Variants in CELSR1 observed in about 807,000 individuals in gnomAD.
CELSR1 encodes cadherin EGF LAG seven-pass G-type receptor 1.
In CELSR1, 110 loss-of-function variants were observed where a neutral mutation model predicts 249.1. That is an observed-to-expected ratio of 0.44 (90% CI 0.38 to 0.52). The LOEUF (loss-of-function observed/expected upper bound fraction) is 0.52, where lower values mean the gene tolerates loss of function less well. Among genes scored for constraint, CELSR1 ranks in the 20% least tolerant of loss-of-function variants. The probability of loss-of-function intolerance (pLI) is 0.00; values close to 1 mark genes in which losing one functional copy is unlikely to be tolerated. For synonymous variants in CELSR1, 2,113 were observed against 1,900.0 expected (o/e 1.11, Z -2.92); for missense variants, 4,109 against 4,296.4 (o/e 0.96, Z 1.22).
intron 2 of CELSR1, among the ~76,000 whole-genome samples, chr22:46,460,064 CG>C (rs2080003600): frequency 6.6e-6 from 1 of 152,100 alleles, no homozygotes; most frequent in Non-Finnish European, 1.5e-5. Context: ...AAAAATTAGC[CG>C]GGCGTGGTGA....
chr22:46,432,811 C>A (rs890896108), intron 5 of CELSR1, among the ~76,000 whole-genome samples: 1 of 152,136 alleles, frequency 6.6e-6, no homozygotes, highest in African/African-American at 2.4e-5. Flanking sequence ...TAAGCCCTTT[C>A]TGTGTCCCTC....
At chr22:46,421,735 T>C (rs1359040564) in intron 5 of CELSR1, among the ~76,000 whole-genome samples, 3 of 152,150 alleles carry the variant, frequency 2.0e-5, no homozygotes, top group Non-Finnish European at 4.4e-5. Flanking sequence ...AGATGCAGGG[T>C]AAGTAAAGGC....
At position 46,374,979 on chromosome 22, in the gene CELSR1, T is replaced by C. The variant is rs2078903151; in HGVS notation, c.7585-1922A>G. On this transcript the variant is annotated intron_variant, in intron 24 of 34. Coordinates refer to ENST00000674500, the MANE Select transcript of CELSR1 (RefSeq NM_001378328.1). This position sits in a 1 kb window ranked among gnomAD's most constrained non-coding sequence, Gnocchi z 4.3. ...TGACACACGCCTCGGGGCTCGTCCT[T>C]CATGGGCCAGGCCTGGTGCTCCACC... Among the ~76,000 whole-genome samples the C allele has an allele frequency of 6.6e-6, 1 of 152,042 alleles. No individual in the cohort carries two copies.
In CELSR1 at chr22:46,402,018, G is replaced by A. The variant is rs571920224; in HGVS notation, c.5227-2116C>T. On this transcript the variant is annotated intron_variant, in intron 9 of 34. Transcript: ENST00000674500. This position sits in a 1 kb window ranked among gnomAD's most constrained non-coding sequence, Gnocchi z 5.0. The stretch of plus-strand genomic sequence containing the variant: ...CAGGAGAATTGCTTGAACTCGGGAG[G>A]CGGAGGTAGCAGTGAACCGAGATCA... 6.6e-6 allele frequency among the ~76,000 whole-genome samples: 1 copy of A among 152,056 alleles called. No homozygotes were observed. The highest frequency in any genetic ancestry group is 2.4e-5 in the African/African-American group (1 of 41,476).
chr22:46,416,926 G>A (rs748529600), intron 5 of CELSR1, among the ~76,000 whole-genome samples: 14 of 151,070 alleles, frequency 9.3e-5, no homozygotes, highest in Non-Finnish European at 1.5e-4. Flanking sequence ...TTGGGAGGCC[G>A]GTGGGGGTAC....
Position 46,410,531 on chromosome 22 carries a change from C to T in CELSR1, c.4800G>A (p.Leu1600=). Residue 1600 remains leucine (L), a synonymous_variant, in exon 7 of 35, where the codon CTG becomes CTA. Transcript: ENST00000674500. This position sits in a 1 kb window ranked among gnomAD's most constrained non-coding sequence, Gnocchi z 6.8. ...KSLDLTGPLL[L]GGVPNLPEDF... ...CTTCTGGCAGGTTGGGGACACCCCC[C>T]AGGAGTAGAGGGCCGGTCAGATCCA... The T allele has an allele frequency of 6.2e-7, 1 of 1,614,072 alleles. No individual in the cohort carries two copies. The highest frequency in any genetic ancestry group is 8.5e-7 in the Non-Finnish European group (1 of 1,180,024).
chr22:46,526,485 T>C lies in CELSR1; in HGVS notation c.3544+7142A>G, dbSNP rs2080739815. Among the ~76,000 whole-genome samples the C allele has an allele frequency of 6.6e-6, 1 of 152,058 alleles. No homozygotes were observed. Among genetic ancestry groups the C allele is most frequent in the Non-Finnish European group, 1.5e-5 (1 of 68,008 alleles). The stretch of plus-strand genomic sequence containing the variant: ...CCACTCATGCCAGCAACCTTGTCAT[T>C]TGCTTCTCAGAGGCACCCCCAAACC... On this transcript the variant is annotated intron_variant, in intron 1 of 34. Transcript: ENST00000674500. This position sits in a 1 kb window ranked among gnomAD's most constrained non-coding sequence, Gnocchi z 4.7.
rs2078744713 is a variant in CELSR1 at position 46,364,560 on chromosome 22, C to CGCTCTCCTGGTCCGGGGGGT, written c.8711_8730dup (p.Gly2911ThrfsTer26). On this transcript the variant is annotated frameshift_variant, in exon 33 of 35. Transcript: ENST00000674500. LOFTEE classifies it high-confidence loss of function. The stretch of plus-strand genomic sequence containing the variant: ...CTGCTAGCAAGCCTGGCTGCGCCCC[C>CGCTCTCCTGGTCCGGGGGGT]GCTCTCCTGGTCCGGGGGGTACTCT... 1 of 1,612,218 alleles carries CGCTCTCCTGGTCCGGGGGGT rather than the reference C, an allele frequency of 6.2e-7. No homozygotes were observed. The highest frequency in any genetic ancestry group is 8.5e-7 in the Non-Finnish European group (1 of 1,179,858).
At chr22:46,485,714 A>C (rs1602200741) in intron 1 of CELSR1, among the ~76,000 whole-genome samples, 1 of 151,980 alleles carries the variant, frequency 6.6e-6, no homozygotes, top group Admixed American at 6.6e-5. Context: ...TGTGGCGGGG[A>C]CCGTTGACGC....
In CELSR1 at chr22:46,399,642, G is replaced by T; in HGVS notation, c.5412+75C>A. 6.7e-7 allele frequency: 1 copy of T among 1,484,896 alleles called. No homozygotes were observed. 92.0% of individuals were successfully genotyped at this position (1,484,896 alleles called of 1,614,324 possible). A position where few individuals can be genotyped will look rare whatever the true frequency, so the allele number is the denominator to read the frequency against. On this transcript the variant is annotated intron_variant, in intron 10 of 34. Coordinates refer to ENST00000674500, the MANE Select transcript of CELSR1 (RefSeq NM_001378328.1). The surrounding 1 kb of genome is among the most constrained non-coding windows in gnomAD (Gnocchi z 5.0). The stretch of plus-strand genomic sequence containing the variant: ...CAAGGTCTCTGGTGGGTCCTGGCAC[G>T]TCAAGGGGTCATTCTGTTTTTCCCT...
chr22:46,495,481 A>G (rs2337050), intron 1 of CELSR1, among the ~76,000 whole-genome samples: 137,862 of 152,254 alleles, frequency 0.91, 62,530 homozygotes, highest in East Asian at 1. Context: ...CCTAGGACAT[A>G]ACTGTGCACT....
In CELSR1 at chr22:46,374,734, T is replaced by C. The variant is rs931151750; in HGVS notation, c.7585-1677A>G. Among the ~76,000 whole-genome samples, 4 of 152,246 alleles carry C rather than the reference T, an allele frequency of 2.6e-5. No individual in the cohort carries two copies. Among genetic ancestry groups the C allele is most frequent in the African/African-American group, 9.6e-5 (4 of 41,562 alleles). ...CACTCAAAAGCACACTAGAGGGGTTTTGAGATGAAATCCGCACACTTCTCA... is the reference window on the plus strand; with the variant it reads ...CACTCAAAAGCACACTAGAGGGGTTCTGAGATGAAATCCGCACACTTCTCA... On this transcript the variant is annotated intron_variant, in intron 24 of 34. Coordinates refer to ENST00000674500, the MANE Select transcript of CELSR1 (RefSeq NM_001378328.1). The surrounding 1 kb of genome is among the most constrained non-coding windows in gnomAD (Gnocchi z 4.3).
In CELSR1 at chr22:46,401,350, C is replaced by T. The variant is rs1300238498; in HGVS notation, c.5227-1448G>A. On this transcript the variant is annotated intron_variant, in intron 9 of 34. Transcript: ENST00000674500. This position sits in a 1 kb window ranked among gnomAD's most constrained non-coding sequence, Gnocchi z 4.7. ...TGGACCACCTCTCCTCTTGAAATCA[C>T]CTACGAACATGAGACAAAATATTAA... 6.6e-6 allele frequency among the ~76,000 whole-genome samples: 1 copy of T among 152,220 alleles called. No individual in the cohort carries two copies. The highest frequency in any genetic ancestry group is 1.5e-5 in the Non-Finnish European group (1 of 68,046).
intron 17 of CELSR1, 110 bp from the exon 18 acceptor site, chr22:46,389,609 G>A (rs2079067641): frequency 8.2e-7 from 1 of 1,225,490 alleles, no homozygotes; most frequent in Non-Finnish European, 1.1e-6. Context: ...TTGTCAGAAA[G>A]GAACTTTAAA....
chr22:46,454,263 C>T lies in CELSR1; in HGVS notation c.4183+9444G>A, dbSNP rs2079920151. On this transcript the variant is annotated intron_variant, in intron 2 of 34. Transcript: ENST00000674500. This position sits in a 1 kb window ranked among gnomAD's most constrained non-coding sequence, Gnocchi z 5.1. The stretch of plus-strand genomic sequence containing the variant: ...CCCGCCCACGCCCCTGAATGCAGGG[C>T]TCCTGCCCTCCAGAACAGTAAGAAT... Among the ~76,000 whole-genome samples the T allele has an allele frequency of 6.6e-6, 1 of 152,222 alleles. No individual in the cohort carries two copies. The highest frequency in any genetic ancestry group is 2.4e-5 in the African/African-American group (1 of 41,460).
chr22:46,378,509 G>GA, intron 23 of CELSR1, 82 bp downstream of exon 23: 1 of 1,474,782 alleles, frequency 6.8e-7, no homozygotes, highest in Non-Finnish European at 9.2e-7. Flanking sequence ...GGGCAGGTTT[G>GA]GCGGGGAGGT....
Position 46,381,329 on chromosome 22 carries a change from T to C in CELSR1, c.7089-374A>G, listed in dbSNP as rs889066636. ...TCATGGGGATGAATCACCCAGTCACTGAGAACCACGTGAACACGAGGATCC... is the reference window on the plus strand; with the variant it reads ...TCATGGGGATGAATCACCCAGTCACCGAGAACCACGTGAACACGAGGATCC... On this transcript the variant is annotated intron_variant, in intron 21 of 34. Coordinates refer to ENST00000674500, the MANE Select transcript of CELSR1 (RefSeq NM_001378328.1). This position sits in a 1 kb window ranked among gnomAD's most constrained non-coding sequence, Gnocchi z 6.0. Among the ~76,000 whole-genome samples, 2 of 152,082 alleles carry C rather than the reference T, an allele frequency of 1.3e-5. No individual in the cohort carries two copies. Among genetic ancestry groups the C allele is most frequent in the African/African-American group, 4.8e-5 (2 of 41,412 alleles).
intron 1 of CELSR1, among the ~76,000 whole-genome samples, chr22:46,489,547 T>A (rs763174949): frequency 6.6e-6 from 1 of 151,980 alleles, no homozygotes; most frequent in Non-Finnish European, 1.5e-5. Flanking sequence ...AGGAGAGACA[T>A]GGCCCACACT....
intron 23 of CELSR1, chr22:46,377,491 C>G (rs1209007316): frequency 1.8e-6 from 1 of 567,674 alleles, no homozygotes; most frequent in Non-Finnish European, 3.1e-6. Context: ...GGCAGCACGC[C>G]AGGCTCCCTC....
Sources: gnomAD v4.1 joint callset for allele counts (sites outside exome capture counted in the v4.1 genomes callset) on GRCh38, gnomAD v4.1.1 for gene constraint, Gnocchi (gnomAD v3.1) non-coding constraint, MANE v1.5 for transcripts, NCBI Gene and HGNC (gene_info 2026-07-23, HGNC 2026-07-21) for gene names.